The following MID1 variants were observed in gnomAD, a reference collection of about 807,000 sequenced individuals.
MID1 encodes the protein E3 ubiquitin-protein ligase Midline-1.
In MID1, 7 loss-of-function variants were observed where a neutral mutation model predicts 40.4. That is an observed-to-expected ratio of 0.17 (90% confidence interval 0.10 to 0.33). The LOEUF is 0.33. Among genes scored for constraint, MID1 ranks in the 10% least tolerant of loss-of-function variants. The pLI, the probability that MID1 is intolerant of heterozygous loss-of-function variation, is 1.00. For missense variants in MID1, 367 were observed against 558.5 expected (o/e 0.66, Z 3.46); for synonymous variants, 229 against 221.2 (o/e 1.04, Z -0.31).
At chrX:10,567,879 A>G (rs1302167475) in intron 1 of MID1, among the ~76,000 whole-genome samples, 1 of 112,096 alleles carries the variant, frequency 8.9e-6, no homozygotes, top group East Asian at 2.8e-4. Context: ...ATTCAAAACT[A>G]GAATGTAATT....
chrX:10,469,095 C>G (rs1602263951), intron 7 of MID1, among the ~76,000 whole-genome samples: 1 of 110,841 alleles, frequency 9.0e-6, no homozygotes, highest in East Asian at 2.8e-4. Context: ...TTTTTTGAGA[C>G]AGCATTCTCA....
intron 2 of MID1, among the ~76,000 whole-genome samples, chrX:10,545,025 C>A (rs1228552628): frequency 9.1e-6 from 1 of 110,340 alleles, no homozygotes; most frequent in African/African-American, 3.3e-5. Flanking sequence ...GGTGTGATCT[C>A]GGCTCACTGC....
At chrX:10,796,841 C>G (rs1248514794) in intron 1 of MID1, among the ~76,000 whole-genome samples, 2 of 111,107 alleles carry the variant, frequency 1.8e-5, no homozygotes, top group East Asian at 5.6e-4. Flanking sequence ...TATCTCCCAT[C>G]AATGAATTCA....
At chrX:10,807,228 G>C (rs111849002) in intron 1 of MID1, among the ~76,000 whole-genome samples, 2 of 110,309 alleles carry the variant, frequency 1.8e-5, no homozygotes. Flanking sequence ...CTGGGTGACA[G>C]AGCAAGGCTC....
intron 1 of MID1, among the ~76,000 whole-genome samples, chrX:10,572,887 G>A (rs1372247100): frequency 2.7e-5 from 3 of 111,663 alleles, no homozygotes; most frequent in Non-Finnish European, 3.8e-5. Context: ...ATGAATGAAA[G>A]GGGAGAGAGC....
intron 1 of MID1, among the ~76,000 whole-genome samples, chrX:10,654,661 A>G (rs907007777): frequency 4.6e-4 from 52 of 112,143 alleles, no homozygotes; most frequent in African/African-American, 1.6e-3. Context: ...CTGGTTCCTA[A>G]CAAGCCACAG....
At position 10,533,340 on chromosome X, in the gene MID1, G is replaced by T. The variant is rs1400766666; in HGVS notation, c.661-10153C>A. 5.0e-5 allele frequency among the ~76,000 whole-genome samples: 3 copies of T among 60,556 alleles called. No homozygotes were observed. In the East Asian group the frequency reaches 1.7e-3, roughly 34 times the overall value. 52.6% of individuals were successfully genotyped at this position (60,556 alleles called of 115,157 possible). On this transcript the variant is annotated intron_variant, in intron 2 of 9. Transcript: ENST00000317552. Reference sequence around the variant, plus strand: ...GAAAGAAAGAAAGGAAAGAAAGAAAGAAAGAAAGAAAGAAAGAAAGAAAGA... The same window carrying T: ...GAAAGAAAGAAAGGAAAGAAAGAAATAAAGAAAGAAAGAAAGAAAGAAAGA...
intron 1 of MID1, among the ~76,000 whole-genome samples, chrX:10,813,962 G>A (rs1246643464): frequency 2.7e-5 from 3 of 112,075 alleles, no homozygotes; most frequent in African/African-American, 6.5e-5. Context: ...TGCTGTTGTA[G>A]CTCAAAAGCT....
chrX:10,513,332 G>A (rs1032377463), intron 3 of MID1, among the ~76,000 whole-genome samples: 6 of 111,897 alleles, frequency 5.4e-5, no homozygotes, highest in Non-Finnish European at 1.1e-4. Context: ...TTGATTGTTA[G>A]GATTATTCTT....
chrX:10,477,905 C>A (rs1263507675), intron 5 of MID1, among the ~76,000 whole-genome samples: 4 of 112,592 alleles, frequency 3.6e-5, no homozygotes, highest in African/African-American at 1.3e-4. Context: ...TGCAGACACA[C>A]TTCCAAAACC....
At chrX:10,661,611 C>T (rs1359422399) in intron 1 of MID1, among the ~76,000 whole-genome samples, 3 of 111,287 alleles carry the variant, frequency 2.7e-5, no homozygotes, top group Non-Finnish European at 5.7e-5. Context: ...CCGCACCCGG[C>T]ATTGTGTCTC....
intron 1 of MID1, among the ~76,000 whole-genome samples, chrX:10,656,205 G>A (rs1569139377): frequency 8.9e-6 from 1 of 111,912 alleles, no homozygotes; most frequent in Non-Finnish European, 1.9e-5. Context: ...CATTAATTTA[G>A]TTATTCTGTG....
At chrX:10,812,398 G>A (rs756223472) in intron 1 of MID1, among the ~76,000 whole-genome samples, 1 of 111,406 alleles carries the variant, frequency 9.0e-6, no homozygotes, top group Non-Finnish European at 1.9e-5. Flanking sequence ...TAATTTAAGC[G>A]AAGGTTGTTA....
At chrX:10,449,783 T>C (rs1928215266) in intron 9 of MID1, 67 bp from the exon 10 acceptor site, 2 of 798,358 alleles carry the variant, frequency 2.5e-6, no homozygotes, top group African/African-American at 2.0e-5. Context: ...AAATCCGTTC[T>C]GTGGTCCTCA....
intron 3 of MID1, among the ~76,000 whole-genome samples, chrX:10,520,889 G>T (rs1423886562): frequency 1.8e-5 from 2 of 111,129 alleles, no homozygotes; most frequent in African/African-American, 6.5e-5. Flanking sequence ...GCCATGAGAA[G>T]ATTATTACTA....
chrX:10,666,874 T>C (rs1446713913), intron 1 of MID1, among the ~76,000 whole-genome samples: 1 of 111,917 alleles, frequency 8.9e-6, no homozygotes, highest in African/African-American at 3.3e-5. Flanking sequence ...GGGGCTTAAA[T>C]ATGCAATATG....
chrX:10,731,229 A>G (rs765371496), intron 1 of MID1, among the ~76,000 whole-genome samples: 5 of 112,012 alleles, frequency 4.5e-5, no homozygotes, highest in Admixed American at 9.5e-5. Flanking sequence ...GAATGCCAAC[A>G]ATTACATTAA....
chrX:10,758,996 C>T (rs2043656554), intron 1 of MID1, among the ~76,000 whole-genome samples: 1 of 112,127 alleles, frequency 8.9e-6, no homozygotes, highest in African/African-American at 3.2e-5. Flanking sequence ...TATGTTCCCA[C>T]AGTGTAAACT....
chrX:10,489,614 ACCTTATATTGATTTCTGAAG>A (rs1357007198), intron 4 of MID1, among the ~76,000 whole-genome samples: 2 of 111,094 alleles, frequency 1.8e-5, no homozygotes, highest in Non-Finnish European at 3.8e-5. Flanking sequence ...TACAAATACC[ACCTTATATTGATTTCTGAAG>A]CCTTATAATA....
Sources: gnomAD v4.1 joint callset for allele counts (sites outside exome capture counted in the v4.1 genomes callset) on GRCh38, gnomAD v4.1.1 for gene constraint, MANE v1.5 for transcripts, NCBI Gene and HGNC (gene_info 2026-07-23, HGNC 2026-07-21) for gene names.